Variants in NAA25 observed in about 807,000 individuals in gnomAD.
NAA25 encodes N-terminal acetyltransferase B complex subunit NAA25.
In NAA25, 30 loss-of-function variants were observed where a neutral mutation model predicts 132.5. That is an observed-to-expected ratio of 0.23 (90% CI 0.17 to 0.31). NAA25 has a LOEUF of 0.31. NAA25 is among the 10% of genes least tolerant of loss of function. NAA25 has a pLI of 1.00. For missense variants in NAA25, 771 were observed against 1,150.4 expected, an observed-to-expected ratio of 0.67 and a Z score of 4.77; for synonymous variants, 359 against 401.9, an observed-to-expected ratio of 0.89 and a Z score of 1.28.
At chr12:112,098,040 G>A (rs1593838422) in intron 1 of NAA25, among the ~76,000 whole-genome samples, 1 of 141,574 alleles carries the variant, frequency 7.1e-6, no homozygotes, top group East Asian at 2.4e-4. Flanking sequence ...AGAATCACTT[G>A]AACCCGGGAG....
At chr12:112,070,596 G>A (rs1404453546) in intron 10 of NAA25, among the ~76,000 whole-genome samples, 1 of 152,070 alleles carries the variant, frequency 6.6e-6, no homozygotes, top group East Asian at 1.9e-4. Context: ...TTTTGCGACA[G>A]AGTCTCGCTG....
chr12:112,064,749 T>C (rs1332108560), intron 11 of NAA25, among the ~76,000 whole-genome samples: 1 of 152,208 alleles, frequency 6.6e-6, no homozygotes, highest in Non-Finnish European at 1.5e-5. Flanking sequence ...ACTAGAATCG[T>C]TGAGGCTGGG....
chr12:112,100,625 T>C (rs1042235459), intron 1 of NAA25, among the ~76,000 whole-genome samples: 12 of 143,006 alleles, frequency 8.4e-5, no homozygotes, highest in Non-Finnish European at 1.7e-4. Context: ...TTTTTTTTTT[T>C]TTTTTTTTTT....
In NAA25 at chr12:112,106,955, C is replaced by CAAAA. The variant is rs11286456; in HGVS notation, c.58+1757_58+1760dup. ...CTGGATGACAGAATGAGACTGTCTCCAAAAAAAAAAAAAAAAAAAAAAAAA... is the reference window on the plus strand; with the variant it reads ...CTGGATGACAGAATGAGACTGTCTCCAAAAAAAAAAAAAAAAAAAAAAAAAAAAA... On this transcript the variant is annotated intron_variant, in intron 1 of 23. Coordinates refer to ENST00000261745, the MANE Select transcript of NAA25 (RefSeq NM_024953.4). Among the ~76,000 whole-genome samples, 4 of 25,834 alleles carry CAAAA rather than the reference C, an allele frequency of 1.5e-4. 1 individual carries two copies. The highest frequency in any genetic ancestry group is 2.6e-4 in the African/African-American group (2 of 7,814). 16.9% of individuals were successfully genotyped at this position (25,834 alleles called of 152,430 possible).
At chr12:112,106,797 T>A (rs770084282) in intron 1 of NAA25, among the ~76,000 whole-genome samples, 1 of 150,716 alleles carries the variant, frequency 6.6e-6, no homozygotes, top group African/African-American at 2.4e-5. Context: ...CTACAATATA[T>A]ACAAAAATTA....
chr12:112,103,417 A>G (rs1435725314), intron 1 of NAA25, among the ~76,000 whole-genome samples: 2 of 152,232 alleles, frequency 1.3e-5, no homozygotes, highest in Non-Finnish European at 2.9e-5. Context: ...AGGTTTTGGT[A>G]TGGCAGAGGT....
chr12:112,084,045 G>C, intron 4 of NAA25, among the ~76,000 whole-genome samples: 2 of 152,296 alleles, frequency 1.3e-5, no homozygotes, highest in Middle Eastern at 6.8e-3. Flanking sequence ...GATCTTGCAG[G>C]CTCTGATAAT....
In NAA25 at chr12:112,033,300, C is replaced by T; in HGVS notation, c.2729G>A (p.Gly910Glu). Residue 910 changes from glycine to glutamate, a missense_variant, in exon 23 of 24, where the codon GGG (glycine) becomes GAG (glutamate). Physicochemically the swap from Gly to Glu is moderately conservative, Grantham distance 98. This residue lies in a region of NAA25 where 324 missense variants were observed against 400.0 expected (regional missense o/e 0.81). Coordinates refer to ENST00000261745, the MANE Select transcript of NAA25 (RefSeq NM_024953.4). ...LISNVVDHIK[G>E]LETHLIALKL... ...AAGTGCAATTAGATGTGTTTCAAGC[C>T]CTTTAATATGATCCACAACATTGGA... 2 of 1,613,058 alleles carry T rather than the reference C, an allele frequency of 1.2e-6. No individual in the cohort carries two copies. Among genetic ancestry groups the T allele is most frequent in the Non-Finnish European group, 1.7e-6 (2 of 1,179,582 alleles).
At chr12:112,030,149 G>A (rs560784751) in intron 23 of NAA25, among the ~76,000 whole-genome samples, 1 of 135,910 alleles carries the variant, frequency 7.4e-6, no homozygotes, top group Non-Finnish European at 1.5e-5. Context: ...AGAGGTAGAG[G>A]TAGTAGTGAG....
At chr12:112,047,477 C>T (rs753437004) in intron 17 of NAA25, among the ~76,000 whole-genome samples, 188 bp downstream of exon 17, 2 of 152,206 alleles carry the variant, frequency 1.3e-5, no homozygotes, top group Non-Finnish European at 2.9e-5. Context: ...AGTGATCCAC[C>T]GGCCTCGGCC....
At chr12:112,075,022 G>C (rs1411987192) in intron 8 of NAA25, among the ~76,000 whole-genome samples, 1 of 152,030 alleles carries the variant, frequency 6.6e-6, no homozygotes, top group African/African-American at 2.4e-5. Flanking sequence ...ATTCATAACA[G>C]AAAAGTCCCC....
intron 15 of NAA25, among the ~76,000 whole-genome samples, chr12:112,051,702 A>C (rs2078468892): frequency 6.6e-6 from 1 of 152,168 alleles, no homozygotes; most frequent in Non-Finnish European, 1.5e-5. Flanking sequence ...GCCACACACA[A>C]CCATCAGCAA....
intron 3 of NAA25, among the ~76,000 whole-genome samples, chr12:112,088,158 C>T (rs577776917): frequency 6.6e-6 from 1 of 152,222 alleles, no homozygotes; most frequent in Non-Finnish European, 1.5e-5. Context: ...CTGAATTCTC[C>T]TTTTCTCTCT....
At chr12:112,101,117 T>C (rs766846559) in intron 1 of NAA25, among the ~76,000 whole-genome samples, 1 of 152,150 alleles carries the variant, frequency 6.6e-6, no homozygotes, top group Non-Finnish European at 1.5e-5. Flanking sequence ...TGCCTAACCC[T>C]GGTTCTCTTT....
chr12:112,063,835 A>C (rs2078673268), intron 11 of NAA25: 1 of 152,228 alleles, frequency 6.6e-6, no homozygotes, highest in African/African-American at 2.4e-5. Flanking sequence ...GCTGGAACAA[A>C]AGGAGTGACT....
intron 1 of NAA25, among the ~76,000 whole-genome samples, chr12:112,097,022 T>A (rs2079221343): frequency 6.6e-6 from 1 of 152,192 alleles, no homozygotes; most frequent in African/African-American, 2.4e-5. Context: ...CATGCCCTCT[T>A]GTCTGGAAAT....
At chr12:112,078,769 C>T in intron 5 of NAA25, 28 bp from the exon 6 acceptor site, 1 of 1,556,322 alleles carries the variant, frequency 6.4e-7, no homozygotes, top group African/African-American at 1.4e-5. Context: ...ATGTTTCATT[C>T]TAATTCTCCC....
chr12:112,062,021 T>C (rs2078637371), intron 11 of NAA25, among the ~76,000 whole-genome samples: 1 of 152,204 alleles, frequency 6.6e-6, no homozygotes, highest in Non-Finnish European at 1.5e-5. Flanking sequence ...AAAACCCACA[T>C]ACCAGTTCTA....
At chr12:112,047,078 T>G (rs1342073608) in intron 17 of NAA25, among the ~76,000 whole-genome samples, 1 of 152,162 alleles carries the variant, frequency 6.6e-6, no homozygotes, top group Non-Finnish European at 1.5e-5. Context: ...TAGATCTAAC[T>G]TTTAGATTAA....
Sources: gnomAD v4.1 joint callset for allele counts (sites outside exome capture counted in the v4.1 genomes callset) on GRCh38, gnomAD v4.1.1 for gene constraint, gnomAD v4.1.1 regional missense constraint, MANE v1.5 for transcripts, NCBI Gene and HGNC (gene_info 2026-07-23, HGNC 2026-07-21) for gene names.